Variants in HDAC9 observed in about 807,000 individuals in gnomAD.
The protein encoded by HDAC9 is histone deacetylase 9.
In HDAC9, 41 loss-of-function variants were observed where a neutral mutation model predicts 139.4. That is an observed-to-expected ratio of 0.29 (90% CI 0.23 to 0.38). The LOEUF is 0.38. Ranked by LOEUF, HDAC9 falls within the 10% of genes least tolerant of loss-of-function variation. The pLI is 1.00. For missense variants in HDAC9, 1,147 were observed against 1,297.0 expected (o/e 0.88, Z 1.78); for synonymous variants, 517 against 476.2 (o/e 1.09, Z -1.12).
chr7:18,406,973 G>T (rs1020242320), intron 1 of HDAC9, among the ~76,000 whole-genome samples: 2 of 152,048 alleles, frequency 1.3e-5, no homozygotes, highest in African/African-American at 4.8e-5. Flanking sequence ...TTGGTTACAT[G>T]CCTGGAAAAT....
intron 1 of HDAC9, among the ~76,000 whole-genome samples, chr7:18,453,121 T>G (rs1674284266): frequency 6.6e-6 from 1 of 152,238 alleles, no homozygotes; most frequent in African/African-American, 2.4e-5. Context: ...CCTTAGGAAC[T>G]TCTCTAATTG....
intron 2 of HDAC9, among the ~76,000 whole-genome samples, chr7:18,539,194 A>G (rs1434502207): frequency 6.6e-6 from 1 of 152,246 alleles, no homozygotes; most frequent in Non-Finnish European, 1.5e-5. Context: ...ATCACCAGTG[A>G]TAAGTCATGT....
chr7:18,505,474 C>T (rs1454037490), intron 2 of HDAC9, among the ~76,000 whole-genome samples: 1 of 152,168 alleles, frequency 6.6e-6, no homozygotes, highest in African/African-American at 2.4e-5. Context: ...TAACATAATT[C>T]AGTTTCTACT....
intron 11 of HDAC9, among the ~76,000 whole-genome samples, chr7:18,665,669 G>A (rs1794639899): frequency 1.3e-5 from 2 of 151,748 alleles, no homozygotes; most frequent in South Asian, 2.1e-4. Context: ...AATATTTCTA[G>A]TTCTTACAAA....
At chr7:18,481,405 T>A (rs1795538225) in intron 1 of HDAC9, among the ~76,000 whole-genome samples, 1 of 152,220 alleles carries the variant, frequency 6.6e-6, no homozygotes, top group Non-Finnish European at 1.5e-5. Context: ...CTTCGTGGTG[T>A]TCAAAAATTA....
chr7:18,364,529 G>A (rs1419600016), intron 1 of HDAC9, among the ~76,000 whole-genome samples: 1 of 152,024 alleles, frequency 6.6e-6, no homozygotes, highest in African/African-American at 2.4e-5. Context: ...TTCGAAAATA[G>A]AGAATTTTCT....
intron 22 of HDAC9, among the ~76,000 whole-genome samples, chr7:18,905,732 A>G (rs1802174127): frequency 6.6e-6 from 1 of 152,226 alleles, no homozygotes; most frequent in African/African-American, 2.4e-5. Flanking sequence ...TCCAATTTCT[A>G]GAAGTATTTC....
At chr7:18,207,897 A>G (rs1305625376) in intron 2 of HDAC9, among the ~76,000 whole-genome samples, 1 of 151,778 alleles carries the variant, frequency 6.6e-6, no homozygotes, top group East Asian at 1.9e-4. Context: ...TATTTTTGGT[A>G]GAGATGGGGT....
intron 1 of HDAC9, among the ~76,000 whole-genome samples, chr7:18,098,274 T>C (rs748561632): frequency 6.6e-6 from 1 of 152,232 alleles, no homozygotes; most frequent in Non-Finnish European, 1.5e-5. Flanking sequence ...TTCTAAGTTA[T>C]TGTACATATA....
intron 1 of HDAC9, among the ~76,000 whole-genome samples, chr7:18,342,381 C>G (rs915683492): frequency 3.3e-5 from 5 of 151,854 alleles, no homozygotes; most frequent in African/African-American, 1.2e-4. Context: ...TTTCACATCT[C>G]ACAGGGATTA....
intron 1 of HDAC9, among the ~76,000 whole-genome samples, chr7:18,140,453 T>G: frequency 1.3e-5 from 2 of 152,284 alleles, no homozygotes; most frequent in African/African-American, 4.8e-5. Context: ...AAAAAGTCAC[T>G]CTTAGACTAG....
intron 17 of HDAC9, among the ~76,000 whole-genome samples, chr7:18,794,529 T>C (rs1410595322): frequency 1.3e-5 from 2 of 152,230 alleles, no homozygotes; most frequent in Non-Finnish European, 2.9e-5. Flanking sequence ...ATTTAAAAAG[T>C]AGATGTGCCT....
At chr7:18,882,825 A>G (rs1182599226) in intron 22 of HDAC9, among the ~76,000 whole-genome samples, 1 of 152,162 alleles carries the variant, frequency 6.6e-6, no homozygotes, top group African/African-American at 2.4e-5. Flanking sequence ...AATATACAAC[A>G]CAAATTCTGT....
At chr7:18,610,232 A>G (rs1836735158) in intron 6 of HDAC9, among the ~76,000 whole-genome samples, 1 of 152,196 alleles carries the variant, frequency 6.6e-6, no homozygotes, top group South Asian at 2.1e-4. Flanking sequence ...AGTTTAGTTT[A>G]AAAAGTGGGA....
At chr7:18,206,273 A>G (rs561273902) in intron 2 of HDAC9, among the ~76,000 whole-genome samples, 3 of 152,328 alleles carry the variant, frequency 2.0e-5, no homozygotes, top group East Asian at 1.9e-4. Context: ...TTGGAAAATA[A>G]AACTTAAACA....
chr7:18,799,332 T>C (rs1223730545), intron 17 of HDAC9, among the ~76,000 whole-genome samples: 2 of 152,200 alleles, frequency 1.3e-5, no homozygotes, highest in African/African-American at 4.8e-5. Flanking sequence ...TTTACCATAC[T>C]GTTTTGTTTA....
chr7:18,899,565 T>C (rs1389281226), intron 22 of HDAC9: 1 of 152,046 alleles, frequency 6.6e-6, no homozygotes, highest in Admixed American at 6.6e-5. Context: ...TTTAATCATT[T>C]GGTTTAGTCC....
chr7:18,563,564 G>T (rs1293379821), intron 2 of HDAC9, among the ~76,000 whole-genome samples: 3 of 152,072 alleles, frequency 2.0e-5, no homozygotes, highest in Non-Finnish European at 4.4e-5. Flanking sequence ...ATTACACAAT[G>T]TATTTAAGGT....
chr7:18,707,227 A>G (rs568703872), intron 12 of HDAC9, among the ~76,000 whole-genome samples: 7 of 152,342 alleles, frequency 4.6e-5, no homozygotes, highest in African/African-American at 1.7e-4. Context: ...CATATACCTC[A>G]GAGAAGCTGA....
Sources: allele counts gnomAD v4.1 joint callset (sites outside exome capture counted in the v4.1 genomes callset), GRCh38; gene constraint gnomAD v4.1.1; transcripts MANE v1.5; gene names NCBI Gene and HGNC (gene_info 2026-07-23, HGNC 2026-07-21).